CDC42: variants seen among roughly 807,000 people sequenced by gnomAD.
The protein encoded by CDC42 is cell division control protein 42 homolog.
CDC42 carries 1 observed loss-of-function variant against 20.8 expected under a neutral mutation model. The observed-to-expected ratio is 0.05, with a 90% CI of 0.02 to 0.23. The LOEUF is 0.23. Ranked by LOEUF, CDC42 falls within the 10% of genes least tolerant of loss-of-function variation. The pLI, the probability that CDC42 is intolerant of heterozygous loss-of-function variation, is 1.00. For missense variants in CDC42, 49 were observed against 227.9 expected, an observed-to-expected ratio of 0.21 and a Z score of 5.05; for synonymous variants, 72 against 84.8, an observed-to-expected ratio of 0.85 and a Z score of 0.83.
intron 1 of CDC42, among the ~76,000 whole-genome samples, chr1:22,054,948 T>A (rs1376834516): frequency 0.023 from 1,177 of 50,358 alleles, 75 homozygotes; most frequent in Non-Finnish European, 0.025. Flanking sequence ...TTTTTTTTTT[T>A]TTTTTTTTTT....
In CDC42 at chr1:22,100,110, T is replaced by C. The variant is rs1182604112; in HGVS notation, c.*8593T>C. ...GGTGAGAAAGTTGCACCTTAGTGAA[T>C]ACCCAAGGTCTGAGGGAGGCTTGGA... On this transcript the variant is annotated 3_prime_UTR_variant, in exon 6 of 6. Coordinates refer to ENST00000656825, the MANE Select transcript of CDC42 (RefSeq NM_001791.4). 6.7e-6 allele frequency among the ~76,000 whole-genome samples: 1 copy of C among 149,316 alleles called. No individual in the cohort carries two copies. Among genetic ancestry groups the C allele is most frequent in the African/African-American group, 2.5e-5 (1 of 40,540 alleles).
rs1007084395 is a variant in CDC42 at position 22,092,143 on chromosome 1, TC to T, written c.*628del. ...GTAAATGCCTCATTTAATAACATAC[TC>T]CTTTTTGAAAGTTGCCTTTTCTCTC... is the stretch of plus-strand genomic sequence containing the variant. On this transcript the variant is annotated 3_prime_UTR_variant, in exon 6 of 6. Coordinates refer to ENST00000656825, the MANE Select transcript of CDC42 (RefSeq NM_001791.4). 3.3e-5 allele frequency: 5 copies of T among 152,550 alleles called. No individual in the cohort carries two copies. Among genetic ancestry groups the T allele is most frequent in the African/African-American group, 1.2e-4 (5 of 41,418 alleles). 9.4% of individuals were successfully genotyped at this position (152,550 alleles called of 1,614,324 possible). A position where few individuals can be genotyped will look rare whatever the true frequency, so the allele number is the denominator to read the frequency against.
intron 1 of CDC42, among the ~76,000 whole-genome samples, chr1:22,066,639 AGGGAG>A (rs1645426715): frequency 1.3e-5 from 2 of 152,176 alleles, no homozygotes; most frequent in African/African-American, 2.4e-5. Flanking sequence ...GAGTGTAAGG[AGGGAG>A]GGTACTATTG....
At chr1:22,055,867 G>GTTTTTTTTTT (rs35437576) in intron 1 of CDC42, among the ~76,000 whole-genome samples, 23 of 126,658 alleles carry the variant, frequency 1.8e-4, no homozygotes, top group African/African-American at 6.7e-4. Flanking sequence ...TTGTTTTAGA[G>GTTTTTTTTTT]TTTTTTTTTT....
intron 1 of CDC42, among the ~76,000 whole-genome samples, chr1:22,053,772 G>A (rs1645265007): frequency 1.3e-5 from 2 of 152,184 alleles, no homozygotes; most frequent in Non-Finnish European, 2.9e-5. Flanking sequence ...CACAGATGAT[G>A]TTTTGAAAGC....
intron 1 of CDC42, among the ~76,000 whole-genome samples, chr1:22,073,568 A>G (rs1645516454): frequency 6.6e-6 from 1 of 151,956 alleles, no homozygotes; most frequent in Non-Finnish European, 1.5e-5. Context: ...TAAAAAACCT[A>G]GAAGATATGG....
At position 22,097,623 on chromosome 1, in the gene CDC42, C is replaced by T. The variant is rs1342313264; in HGVS notation, c.*6106C>T. Among the ~76,000 whole-genome samples the T allele has an allele frequency of 1.3e-5, 2 of 152,206 alleles. No individual in the cohort carries two copies. Among genetic ancestry groups the T allele is most frequent in the East Asian group, 3.8e-4 (2 of 5,196 alleles). ...CTACCTAAGTTTCTCCTAGAATCTC[C>T]CTGCACTTCTTGTTTTGCTGCCATC... On this transcript the variant is annotated 3_prime_UTR_variant, in exon 6 of 6. Transcript: ENST00000656825.
rs1297160958 is a variant in CDC42 at position 22,052,760 on chromosome 1, G to A, written c.-51+18G>A. On this transcript the variant is annotated intron_variant, in intron 1 of 5. Coordinates refer to ENST00000656825, the MANE Select transcript of CDC42 (RefSeq NM_001791.4). ...AAGCTGAGGTGAGTGCGGGGCCCGA[G>A]GTTCCCCGCGGGAGCTGCCACCCTA... The A allele has an allele frequency of 6.5e-6, 1 of 152,832 alleles. No homozygotes were observed. The highest frequency in any genetic ancestry group is 2.4e-5 in the African/African-American group (1 of 41,476). The allele number at this position is 152,832 out of a possible 1,614,324, so 9.5% of individuals were successfully genotyped here. A position where few individuals can be genotyped will look rare whatever the true frequency, so the allele number is the denominator to read the frequency against.
At chr1:22,053,709 C>T (rs1645263854) in intron 1 of CDC42, among the ~76,000 whole-genome samples, 1 of 152,202 alleles carries the variant, frequency 6.6e-6, no homozygotes, top group Non-Finnish European at 1.5e-5. Context: ...CATTTTGCAG[C>T]CTTAGTCGGT....
intron 1 of CDC42, among the ~76,000 whole-genome samples, chr1:22,066,183 GC>G (rs1645421541): frequency 6.6e-6 from 1 of 152,142 alleles, no homozygotes; most frequent in Non-Finnish European, 1.5e-5. Flanking sequence ...AGAAGTATAA[GC>G]CTAGTTGTTC....
At chr1:22,068,245 T>G (rs1569985495) in intron 1 of CDC42, 2 of 152,874 alleles carry the variant, frequency 1.3e-5, no homozygotes, top group East Asian at 1.9e-4. Flanking sequence ...CGTTATAGTA[T>G]TAATAACTAT....
chr1:22,077,792 A>G (rs950889391), intron 1 of CDC42, among the ~76,000 whole-genome samples: 2 of 152,374 alleles, frequency 1.3e-5, no homozygotes, highest in East Asian at 3.8e-4. Context: ...TCTGTTTATA[A>G]GTCAGTATGC....
chr1:22,099,547 G>T lies in CDC42; in HGVS notation c.*8030G>T, dbSNP rs1645776874. On this transcript the variant is annotated 3_prime_UTR_variant, in exon 6 of 6. Coordinates refer to ENST00000656825, the MANE Select transcript of CDC42 (RefSeq NM_001791.4). Reference sequence around the variant, plus strand: ...TAAAATGTATATGATTAATTACAAAGCTGAAAATCGTAGTTGAAGCATCAT... The same window carrying T: ...TAAAATGTATATGATTAATTACAAATCTGAAAATCGTAGTTGAAGCATCAT... 6.6e-6 allele frequency among the ~76,000 whole-genome samples: 1 copy of T among 152,178 alleles called. No individual in the cohort carries two copies. Among genetic ancestry groups the T allele is most frequent in the Non-Finnish European group, 1.5e-5 (1 of 68,024 alleles).
chr1:22,083,644 A>C (rs1645631153), intron 3 of CDC42, among the ~76,000 whole-genome samples: 1 of 151,960 alleles, frequency 6.6e-6, no homozygotes, highest in African/African-American at 2.4e-5. Context: ...AGTGTGATGC[A>C]TTTTGCTGAC....
intron 3 of CDC42, among the ~76,000 whole-genome samples, chr1:22,084,370 C>T (rs2124030216): frequency 7.9e-6 from 1 of 125,810 alleles, no homozygotes; most frequent in African/African-American, 3.0e-5. Flanking sequence ...TAATTGTAGC[C>T]ATCCTAATTA....
At chr1:22,063,346 C>T (rs16826312) in intron 1 of CDC42, among the ~76,000 whole-genome samples, 1 of 151,906 alleles carries the variant, frequency 6.6e-6, no homozygotes, top group Non-Finnish European at 1.5e-5. Context: ...AACTTTCTAG[C>T]ATAGAATTTG....
chr1:22,086,912 T>A (rs1220971384), intron 5 of CDC42, 46 bp downstream of exon 5: 1 of 1,475,180 alleles, frequency 6.8e-7, no homozygotes, highest in Admixed American at 1.7e-5. Context: ...TCGAGTCATT[T>A]ATTAGAGCAT....
chr1:22,063,637 T>A (rs1645389463), intron 1 of CDC42, among the ~76,000 whole-genome samples: 1 of 152,208 alleles, frequency 6.6e-6, no homozygotes, highest in Non-Finnish European at 1.5e-5. Context: ...TAAATTTCTT[T>A]TGCGCTTTTT....
intron 1 of CDC42, among the ~76,000 whole-genome samples, chr1:22,064,476 G>T (rs2152827601): frequency 6.6e-6 from 1 of 151,700 alleles, no homozygotes; most frequent in South Asian, 2.1e-4. Context: ...ATTTTTAGTC[G>T]AGACGGGTTT....
Sources: allele counts gnomAD v4.1 joint callset (sites outside exome capture counted in the v4.1 genomes callset), GRCh38; gene constraint gnomAD v4.1.1; transcripts MANE v1.5; gene names NCBI Gene and HGNC (gene_info 2026-07-23, HGNC 2026-07-21).